The following GK variants were observed in gnomAD, a reference collection of about 807,000 sequenced individuals.
The protein encoded by GK is glycerol kinase.
A neutral mutation model predicts 56.4 loss-of-function variants in GK; 9 were observed. The observed-to-expected ratio is 0.16, with a 90% confidence interval of 0.10 to 0.28. GK has a LOEUF of 0.28. Ranked by LOEUF, GK falls within the 10% of genes least tolerant of loss-of-function variation. The probability of loss-of-function intolerance (pLI) is 1.00; values close to 1 mark genes in which losing one functional copy is unlikely to be tolerated. For synonymous variants in GK, 104 were observed against 144.1 expected, an observed-to-expected ratio of 0.72 and a Z score of 1.99; for missense variants, 161 against 431.4, an observed-to-expected ratio of 0.37 and a Z score of 5.55.
chrX:30,718,991 C>T (rs1270304838), intron 14 of GK, among the ~76,000 whole-genome samples: 1 of 111,136 alleles, frequency 9.0e-6, no homozygotes, highest in African/African-American at 3.3e-5. Flanking sequence ...AGTATTAATA[C>T]GGCTGTTTTC....
intron 11 of GK, among the ~76,000 whole-genome samples, chrX:30,705,374 C>T (rs141303676): frequency 0.053 from 5,959 of 112,446 alleles, 172 homozygotes; most frequent in Non-Finnish European, 0.077. Context: ...ATTATTTGAA[C>T]ATTAAATTTT....
intron 11 of GK, among the ~76,000 whole-genome samples, chrX:30,704,149 TG>T (rs1935860567): frequency 2.1e-5 from 2 of 96,709 alleles, no homozygotes; most frequent in African/African-American, 8.6e-5. Flanking sequence ...TATATATATA[TG>T]AGATAGGGTC....
In GK at chrX:30,730,096, A is replaced by G. The variant is rs1937293040; in HGVS notation, c.*1354A>G. On this transcript the variant is annotated 3_prime_UTR_variant, in exon 21 of 21. Transcript: ENST00000427190. Reference sequence around the variant, plus strand: ...AACCAAGAATTTCTCAAAATATTTAATGTCACATATTATAAGAAGTTACCT... The same window carrying G: ...AACCAAGAATTTCTCAAAATATTTAGTGTCACATATTATAAGAAGTTACCT... The G allele has an allele frequency of 8.9e-6, 1 of 112,440 alleles. No individual in the cohort carries two copies. The highest frequency in any genetic ancestry group is 3.2e-5 in the African/African-American group (1 of 30,954). The allele number at this position is 112,440 out of a possible 1,213,427, so 9.3% of individuals were successfully genotyped here.
In GK at chrX:30,729,910, C is replaced by G. The variant is rs1937285144; in HGVS notation, c.*1168C>G. 1 of 111,452 alleles carries G rather than the reference C, an allele frequency of 9.0e-6. No individual in the cohort carries two copies. The allele number at this position is 111,452 out of a possible 1,213,427, so 9.2% of individuals were successfully genotyped here. On this transcript the variant is annotated 3_prime_UTR_variant, in exon 21 of 21. Coordinates refer to ENST00000427190, the MANE Select transcript of GK (RefSeq NM_001205019.2). The stretch of plus-strand genomic sequence containing the variant: ...AAGAGGATGTCAAAAAAGTTAAATA[C>G]CTAAGTAGAAAAAAATATAGAAATA...
intron 7 of GK, 106 bp from the exon 8 acceptor site, chrX:30,696,511 C>T (rs1935244395): frequency 3.0e-5 from 18 of 593,974 alleles, no homozygotes; most frequent in Non-Finnish European, 4.6e-5. Context: ...TGCTCAAAAA[C>T]ATCCATTTCT....
At chrX:30,670,038 G>A (rs1229040733) in intron 3 of GK, among the ~76,000 whole-genome samples, 1 of 112,184 alleles carries the variant, frequency 8.9e-6, no homozygotes, top group Non-Finnish European at 1.9e-5. Context: ...CTACATCTAA[G>A]TGGAAGGGCT....
intron 3 of GK, among the ~76,000 whole-genome samples, chrX:30,670,543 T>C (rs776934452): frequency 9.0e-6 from 1 of 111,332 alleles, no homozygotes; most frequent in Admixed American, 9.6e-5. Flanking sequence ...ACTACCATCC[T>C]CTGGCCACAG....
At position 30,653,549 on chromosome X, in the gene GK, A is replaced by G; in HGVS notation, c.12A>G (p.Ser4=). Residue 4 remains serine (S), a synonymous_variant, in exon 1 of 21, where the codon TCA becomes TCG. Coordinates refer to ENST00000427190, the MANE Select transcript of GK (RefSeq NM_001205019.2). The part of the protein sequence containing the change: MAA[S]KKAVLGPLVG... ...CTGAAGCTGGTTTCATGGCAGCCTC[A>G]AAGAAGGCAGTTTTGGGGCCATTGG... 2 of 1,210,977 alleles carry G rather than the reference A, an allele frequency of 1.7e-6. No individual in the cohort carries two copies. Among genetic ancestry groups the G allele is most frequent in the South Asian group, 3.5e-5 (2 of 56,997 alleles).
intron 4 of GK, among the ~76,000 whole-genome samples, chrX:30,683,723 TGTTA>T (rs1457483363): frequency 8.9e-6 from 1 of 112,783 alleles, no homozygotes; most frequent in East Asian, 2.8e-4. Flanking sequence ...AGAATTTATC[TGTTA>T]ATTATGTGAT....
intron 11 of GK, among the ~76,000 whole-genome samples, chrX:30,703,864 G>A (rs1232511522): frequency 9.3e-6 from 1 of 107,382 alleles, no homozygotes; most frequent in Non-Finnish European, 1.9e-5. Flanking sequence ...AGAAGGCTGA[G>A]GCATGAAAAT....
At chrX:30,711,520 C>T (rs780523290) in intron 13 of GK, among the ~76,000 whole-genome samples, 2 of 111,530 alleles carry the variant, frequency 1.8e-5, no homozygotes, top group South Asian at 7.5e-4. Context: ...GCTCCTCTAC[C>T]ATTACCTCCA....
chrX:30,667,120 C>T (rs1300344872), intron 2 of GK, among the ~76,000 whole-genome samples: 31 of 110,430 alleles, frequency 2.8e-4, no homozygotes, highest in Non-Finnish European at 3.8e-5. Flanking sequence ...CGCCACTGCA[C>T]TCCAGCCTGG....
intron 9 of GK, among the ~76,000 whole-genome samples, chrX:30,699,240 TAAC>T (rs1234467449): frequency 1.0e-5 from 1 of 99,413 alleles, no homozygotes; most frequent in East Asian, 3.0e-4. Flanking sequence ...ATGTTATGTA[TAAC>T]ATGTTATATA....
rs1936265026 is a variant in GK, at chrX:30,710,475, A to G, written c.975+2341A>G. 2.7e-5 allele frequency among the ~76,000 whole-genome samples: 3 copies of G among 112,267 alleles called. No individual in the cohort carries two copies. The Admixed American group carries it at 2.8e-4, about 11-fold the overall frequency. ...TTAACAAACATTTAAAAAAAATTAA[A>G]TTAAACCAAACCAAAAAACAAGGGT... On this transcript the variant is annotated intron_variant, in intron 13 of 20. Transcript: ENST00000427190.
At chrX:30,722,214 A>T (rs1936941801) in intron 18 of GK, among the ~76,000 whole-genome samples, 1 of 112,792 alleles carries the variant, frequency 8.9e-6, no homozygotes, top group Admixed American at 9.4e-5. Context: ...AAGAAAATGA[A>T]TTATAATACT....
At chrX:30,696,359 G>A (rs2075029720) in intron 7 of GK, among the ~76,000 whole-genome samples, 1 of 112,138 alleles carries the variant, frequency 8.9e-6, no homozygotes, top group African/African-American at 3.2e-5. Flanking sequence ...CTTCACGGAA[G>A]TTTAGGTTCC....
intron 1 of GK, among the ~76,000 whole-genome samples, chrX:30,664,092 C>T (rs1395396156): frequency 6.2e-5 from 2 of 32,413 alleles, no homozygotes; most frequent in Non-Finnish European, 1.2e-4. Context: ...TTATATATAT[C>T]TATATATATT....
In GK at chrX:30,694,466, G is replaced by A. The variant is rs757412161; in HGVS notation, c.481G>A (p.Val161Met). Reference sequence around the variant, plus strand: ...GAAACTTCGTTGGCTCCTTGACAATGTGAGAAAAGTTCAAAAGGCCGTTGA... The same window carrying A: ...GAAACTTCGTTGGCTCCTTGACAATATGAGAAAAGTTCAAAAGGCCGTTGA... ...AVKLRWLLDN[V>M]RKVQKAVEEK... is the part of the protein sequence containing the mutation. Residue 161 changes from valine to methionine, a missense_variant, in exon 6 of 21, where the codon GTG becomes ATG. Coordinates refer to ENST00000427190, the MANE Select transcript of GK (RefSeq NM_001205019.2). 8 of 1,201,819 alleles carry A rather than the reference G, an allele frequency of 6.7e-6. No individual in the cohort carries two copies. In the South Asian group the frequency reaches 1.4e-4, roughly 21 times the overall value.
At chrX:30,707,670 T>C in intron 12 of GK, 72 bp downstream of exon 12, 1 of 600,755 alleles carries the variant, frequency 1.7e-6, no homozygotes, top group South Asian at 2.5e-5. Context: ...CATAATTTAC[T>C]ATTAAACAAC....
Sources: allele counts gnomAD v4.1 joint callset (sites outside exome capture counted in the v4.1 genomes callset), GRCh38; gene constraint gnomAD v4.1.1; transcripts MANE v1.5; gene names NCBI Gene and HGNC (gene_info 2026-07-23, HGNC 2026-07-21).